The following SRD5A1 variants were observed in gnomAD, a reference collection of about 807,000 sequenced individuals.
The protein encoded by SRD5A1 is steroid 5 alpha-reductase 1.
Under a neutral mutation model 28.2 loss-of-function variants are expected in SRD5A1, and 22 were observed. The ratio of observed to expected loss-of-function variants is 0.78; its 90% CI spans 0.56 to 1.12. The LOEUF is 1.12. Ranked by LOEUF, SRD5A1 falls within the 50% of genes most tolerant of loss-of-function variation. The pLI is 0.00. For synonymous variants in SRD5A1, 151 were observed against 135.0 expected, an observed-to-expected ratio of 1.12 and a Z score of -0.82; for missense variants, 300 against 346.7, an observed-to-expected ratio of 0.87 and a Z score of 1.07.
In SRD5A1 at chr5:6,633,774, G is replaced by A. The variant is rs1169780219; in HGVS notation, c.198G>A (p.Leu66=). ...TGCAGGAGCTGCCCTCGCTGGCCCT[G>A]CCGCTCTACCAGTACGCCAGCGAGT... ...WVVQELPSLA[L]PLYQYASESA... The change falls in exon 1 of 5, where the codon CTG becomes CTA. Residue 66 remains leucine, a synonymous_variant. Transcript: ENST00000274192. 3 of 1,597,704 alleles carry A rather than the reference G, an allele frequency of 1.9e-6. No homozygotes were observed. The highest frequency in any genetic ancestry group is 1.3e-5 in the African/African-American group (1 of 75,048).
chr5:6,649,740 C>T (rs547131598), intron 1 of SRD5A1, among the ~76,000 whole-genome samples: 5 of 152,308 alleles, frequency 3.3e-5, no homozygotes, highest in East Asian at 1.9e-4. Context: ...CACCCTGCTT[C>T]GGCTCGCCCT....
At chr5:6,662,046 A>C (rs1372274847) in intron 3 of SRD5A1, among the ~76,000 whole-genome samples, 3 of 151,814 alleles carry the variant, frequency 2.0e-5, no homozygotes, top group Non-Finnish European at 4.4e-5. Flanking sequence ...CCCACCCCTC[A>C]TCTGGTCTTT....
intron 1 of SRD5A1, among the ~76,000 whole-genome samples, chr5:6,638,577 T>C (rs1222116167): frequency 3.3e-5 from 5 of 152,240 alleles, no homozygotes; most frequent in Admixed American, 6.5e-5. Flanking sequence ...TGGGTTTCCA[T>C]GTGCTTATGT....
intron 4 of SRD5A1, among the ~76,000 whole-genome samples, chr5:6,664,430 C>T (rs770180678): frequency 6.6e-6 from 1 of 151,858 alleles, no homozygotes; most frequent in East Asian, 1.9e-4. Context: ...TTTAAGACAG[C>T]ATCTCACTCT....
rs549012661 is a variant in SRD5A1 at position 6,663,883 on chromosome 5, G to A, written c.713+917G>A. 3.3e-5 allele frequency among the ~76,000 whole-genome samples: 5 copies of A among 152,044 alleles called. No homozygotes were observed. In the South Asian group the frequency reaches 1.0e-3, roughly 32 times the overall value. On this transcript the variant is annotated intron_variant, in intron 4 of 4. Coordinates refer to ENST00000274192, the MANE Select transcript of SRD5A1 (RefSeq NM_001047.4). ...TCAAAAAAAAAAGAAAAAAGGAAAA[G>A]AAATTGAAGGATGTCAAGGCTGAAG...
chr5:6,638,329 C>T (rs970431313), intron 1 of SRD5A1, among the ~76,000 whole-genome samples: 1 of 152,182 alleles, frequency 6.6e-6, no homozygotes. Context: ...GAAGTCATAG[C>T]GTTTTTTGGA....
intron 3 of SRD5A1, among the ~76,000 whole-genome samples, chr5:6,662,079 C>A (rs1172718070): frequency 6.6e-6 from 1 of 152,162 alleles, no homozygotes; most frequent in African/African-American, 2.4e-5. Flanking sequence ...CCATTGCTGT[C>A]TGCCTCAGGG....
intron 1 of SRD5A1, among the ~76,000 whole-genome samples, chr5:6,643,958 C>A (rs897429287): frequency 3.3e-5 from 5 of 152,146 alleles, no homozygotes; most frequent in Admixed American, 6.5e-5. Context: ...TGACACAGTT[C>A]TAGTGTCATT....
chr5:6,670,825 G>A lies in SRD5A1; in HGVS notation c.*2557G>A, dbSNP rs1338890240. Reference sequence around the variant, plus strand: ...CCTTTCTTAAGATATTGATCAACCAGATCATTGCAAATACTGCTAATTGAT... The same window carrying A: ...CCTTTCTTAAGATATTGATCAACCAAATCATTGCAAATACTGCTAATTGAT... On this transcript the variant is annotated 3_prime_UTR_variant, in exon 5 of 5. Transcript: ENST00000274192. 2.0e-5 allele frequency: 3 copies of A among 152,260 alleles called. No homozygotes were observed. In the South Asian group the frequency reaches 6.2e-4, roughly 32 times the overall value. 9.4% of individuals were successfully genotyped at this position (152,260 alleles called of 1,614,324 possible). A position where few individuals can be genotyped will look rare whatever the true frequency, so the allele number is the denominator to read the frequency against.
intron 3 of SRD5A1, among the ~76,000 whole-genome samples, chr5:6,656,551 T>A (rs539251606): frequency 6.6e-5 from 10 of 152,228 alleles, no homozygotes; most frequent in Admixed American, 3.9e-4. Flanking sequence ...TTTGAAAATC[T>A]TCTTAAACGC....
At chr5:6,643,614 A>C (rs1020240839) in intron 1 of SRD5A1, among the ~76,000 whole-genome samples, 1 of 152,058 alleles carries the variant, frequency 6.6e-6, no homozygotes, top group Non-Finnish European at 1.5e-5. Context: ...TAGACTGTTG[A>C]GGGTGCTCCC....
chr5:6,634,810 T>C (rs1407533689), intron 1 of SRD5A1, among the ~76,000 whole-genome samples: 1 of 152,252 alleles, frequency 6.6e-6, no homozygotes. Context: ...GTTGGGGTTC[T>C]CTCCAGGTCG....
chr5:6,667,424 T>G (rs1404545018), intron 4 of SRD5A1, among the ~76,000 whole-genome samples: 6 of 152,228 alleles, frequency 3.9e-5, no homozygotes, highest in Admixed American at 3.9e-4. Context: ...TTTCTCGTCC[T>G]CATATGTTTC....
intron 1 of SRD5A1, among the ~76,000 whole-genome samples, chr5:6,648,012 C>A (rs1738557448): frequency 1.3e-5 from 2 of 152,156 alleles, no homozygotes; most frequent in South Asian, 4.2e-4. Context: ...GATTTTATTT[C>A]TCCTTCACTT....
At chr5:6,653,579 G>A (rs757199507) in intron 2 of SRD5A1, 10 of 152,308 alleles carry the variant, frequency 6.6e-5, no homozygotes, top group South Asian at 2.1e-4. Context: ...ACATCTAGAC[G>A]CAGTGAATGG....
At chr5:6,656,961 T>A (rs1270970727) in intron 3 of SRD5A1, among the ~76,000 whole-genome samples, 1 of 152,152 alleles carries the variant, frequency 6.6e-6, no homozygotes, top group East Asian at 1.9e-4. Context: ...CATTATAAAG[T>A]GAGTACTTGA....
chr5:6,633,709 A>T lies in SRD5A1; in HGVS notation c.133A>T (p.Ser45Cys). Residue 45 changes from serine to cysteine, a missense_variant, in exon 1 of 5, where the codon AGC becomes TGC. Around this residue, in one of 2 missense-constraint regions of SRD5A1, gnomAD observed 174 missense variants for 160.9 expected, o/e 1.08. Coordinates refer to ENST00000274192, the MANE Select transcript of SRD5A1 (RefSeq NM_001047.4). ...AGTGTACGGCCGCCACGCGCTGCCC[A>T]GCCACAGGCTCCGAGTGCCGGCGCG... ...NSVYGRHALP[S>C]HRLRVPARAA... The T allele has an allele frequency of 6.3e-7, 1 of 1,593,100 alleles. No individual in the cohort carries two copies. The highest frequency in any genetic ancestry group is 8.5e-7 in the Non-Finnish European group (1 of 1,177,324).
intron 1 of SRD5A1, among the ~76,000 whole-genome samples, chr5:6,649,334 C>A (rs1035830368): frequency 3.9e-5 from 6 of 152,200 alleles, no homozygotes; most frequent in African/African-American, 1.4e-4. Flanking sequence ...CGCCCCCTCC[C>A]CCAGGTGCTC....
rs374499334 is a variant in SRD5A1, at chr5:6,662,927, C to T, written c.674C>T (p.Thr225Met). 10 of 1,614,104 alleles carry T rather than the reference C, an allele frequency of 6.2e-6. No individual in the cohort carries two copies. The highest frequency in any genetic ancestry group is 8.5e-6 in the Non-Finnish European group (10 of 1,180,038). ...CAAGGCGCGGCTTTTGCTTTCTTCA[C>T]GTTTTGTTTTTTATCTGGTAGAGCA... The part of the protein sequence containing the change: ...SVQGAAFAFF[T>M]FCFLSGRAKE... The change falls in exon 4 of 5, where the codon ACG becomes ATG. Residue 225 changes from threonine (T) to methionine (M), a missense_variant. Transcript: ENST00000274192.
Sources: allele counts gnomAD v4.1 joint callset (sites outside exome capture counted in the v4.1 genomes callset), GRCh38; gene constraint gnomAD v4.1.1; regional missense constraint gnomAD v4.1.1; transcripts MANE v1.5; gene names NCBI Gene and HGNC (gene_info 2026-07-23, HGNC 2026-07-21).